The following UBE2O variants were observed in gnomAD, a reference collection of about 807,000 sequenced individuals.
UBE2O encodes (E3-independent) E2 ubiquitin-conjugating enzyme.
Under a neutral mutation model 125.8 loss-of-function variants are expected in UBE2O, and 15 were observed. That is an observed-to-expected ratio of 0.12 (90% CI 0.08 to 0.18). The LOEUF (loss-of-function observed/expected upper bound fraction) is 0.18, where lower values mean the gene tolerates loss of function less well. Ranked by LOEUF, UBE2O falls within the 10% of genes least tolerant of loss-of-function variation. UBE2O has a pLI of 1.00. For synonymous variants in UBE2O, 708 were observed against 703.2 expected (o/e 1.01, Z -0.11); for missense variants, 1,280 against 1,723.6 (o/e 0.74, Z 4.56).
chr17:76,393,917 G>T (rs902697815), intron 15 of UBE2O, among the ~76,000 whole-genome samples: 1 of 152,230 alleles, frequency 6.6e-6, no homozygotes, highest in African/African-American at 2.4e-5. Flanking sequence ...CACCCTGGGA[G>T]CCTCCAGGGA....
At chr17:76,397,512 A>G (rs2072234652) in intron 13 of UBE2O, among the ~76,000 whole-genome samples, 2 of 152,246 alleles carry the variant, frequency 1.3e-5, no homozygotes, top group African/African-American at 4.8e-5. Flanking sequence ...GGGAACTTGC[A>G]TTCTTCGTAG....
Position 76,390,597 on chromosome 17 carries a change from A to T in UBE2O, c.*346T>A. On this transcript the variant is annotated 3_prime_UTR_variant, in exon 18 of 18. Transcript: ENST00000319380. The stretch of plus-strand genomic sequence containing the variant: ...CTGCGGGTCTGCAGGGAACCGGCCC[A>T]GAGAGCCCCGCGGCAGGCCCTGGAA... The T allele has an allele frequency of 4.4e-6, 1 of 229,758 alleles. No homozygotes were observed. Among genetic ancestry groups the T allele is most frequent in the Non-Finnish European group, 8.6e-6 (1 of 116,846 alleles). 14.2% of individuals were successfully genotyped at this position (229,758 alleles called of 1,614,324 possible).
intron 1 of UBE2O, among the ~76,000 whole-genome samples, chr17:76,414,571 C>T (rs1053823479): frequency 5.3e-5 from 8 of 152,208 alleles, no homozygotes; most frequent in Admixed American, 3.9e-4. Flanking sequence ...GATCTCACAA[C>T]GCAGACTCTC....
At chr17:76,415,494 A>C (rs1452505414) in intron 1 of UBE2O, among the ~76,000 whole-genome samples, 1 of 152,108 alleles carries the variant, frequency 6.6e-6, no homozygotes, top group Non-Finnish European at 1.5e-5. Flanking sequence ...GACCAATTGG[A>C]ACCATGCTGC....
In UBE2O at chr17:76,420,795, G is replaced by C. The variant is rs1043314632; in HGVS notation, c.418-15223C>G. Among the ~76,000 whole-genome samples, 4 of 152,064 alleles carry C rather than the reference G, an allele frequency of 2.6e-5. No individual in the cohort carries two copies. In the East Asian group the frequency reaches 7.7e-4, roughly 29 times the overall value. On this transcript the variant is annotated intron_variant, in intron 1 of 17. Coordinates refer to ENST00000319380, the MANE Select transcript of UBE2O (RefSeq NM_022066.4). ...TTGGTCCTGCCAGCATTCAAAATCG[G>C]CCTGCCACACACTGTTTATGTCTGT...
At chr17:76,420,380 C>T (rs912497832) in intron 1 of UBE2O, among the ~76,000 whole-genome samples, 2 of 152,152 alleles carry the variant, frequency 1.3e-5, no homozygotes, top group Admixed American at 1.3e-4. Context: ...GGCCTATCTT[C>T]CCACAGTGGT....
chr17:76,402,380 C>T lies in UBE2O; in HGVS notation c.686+222G>A, dbSNP rs1012972469. On this transcript the variant is annotated intron_variant, in intron 4 of 17. Coordinates refer to ENST00000319380, the MANE Select transcript of UBE2O (RefSeq NM_022066.4). The surrounding 1 kb of genome is among the most constrained non-coding windows in gnomAD (Gnocchi z 5.4). ...CTCTAGCAGATATCCTCAGTGAAAA[C>T]GTTTCTCCCCATGCCAGGACAGATC... Among the ~76,000 whole-genome samples, 2 of 152,174 alleles carry T rather than the reference C, an allele frequency of 1.3e-5. No homozygotes were observed. The highest frequency in any genetic ancestry group is 1.9e-4 in the East Asian group (1 of 5,196).
chr17:76,397,668 T>C, intron 13 of UBE2O, 131 bp downstream of exon 13: 1 of 903,204 alleles, frequency 1.1e-6, no homozygotes, highest in South Asian at 1.5e-5. Context: ...AATGCCTGCC[T>C]TTCCCCTCAC....
At chr17:76,447,554 AACAT>A (rs745799502) in intron 1 of UBE2O, among the ~76,000 whole-genome samples, 7 of 152,144 alleles carry the variant, frequency 4.6e-5, no homozygotes, top group African/African-American at 1.7e-4. Context: ...AGACTCTGGA[AACAT>A]ACATACATAC....
Position 76,395,003 on chromosome 17 carries a change from G to T in UBE2O, c.2946+722C>A, listed in dbSNP as rs749991958. 6.6e-6 allele frequency among the ~76,000 whole-genome samples: 1 copy of T among 151,756 alleles called. No individual in the cohort carries two copies. Among genetic ancestry groups the T allele is most frequent in the Non-Finnish European group, 1.5e-5 (1 of 67,988 alleles). On this transcript the variant is annotated intron_variant, in intron 15 of 17. Coordinates refer to ENST00000319380, the MANE Select transcript of UBE2O (RefSeq NM_022066.4). The surrounding 1 kb of genome is among the most constrained non-coding windows in gnomAD (Gnocchi z 5.0). ...TGATTCTCCTGCCTCAGTCTCCCGAGTAGCTGGGATTACTGGCACCCGCCA... is the reference window on the plus strand; with the variant it reads ...TGATTCTCCTGCCTCAGTCTCCCGATTAGCTGGGATTACTGGCACCCGCCA...
At position 76,397,852 on chromosome 17, in the gene UBE2O, T is replaced by C. The variant is rs756294792; in HGVS notation, c.2062A>G (p.Ser688Gly). 8.7e-6 allele frequency: 14 copies of C among 1,614,180 alleles called. No homozygotes were observed. Among genetic ancestry groups the C allele is most frequent in the Non-Finnish European group, 1.1e-5 (13 of 1,180,040 alleles). The change falls in exon 13 of 18, where the codon AGC becomes GGC. Residue 688 changes from serine to glycine, a missense_variant. Around this residue, in one of 10 missense-constraint regions of UBE2O, gnomAD observed 210 missense variants for 268.9 expected, o/e 0.78. Transcript: ENST00000319380. ...VGQVARVDVSSKVEVVWADNS... is the reference protein window; with the variant it reads ...VGQVARVDVSGKVEVVWADNS... The stretch of plus-strand genomic sequence containing the variant: ...TCAGCCCACACCACCTCCACCTTGC[T>C]GCTGACGTCCACACGGGCCACCTGG...
At chr17:76,416,345 A>G (rs2072617230) in intron 1 of UBE2O, among the ~76,000 whole-genome samples, 1 of 152,218 alleles carries the variant, frequency 6.6e-6, no homozygotes, top group African/African-American at 2.4e-5. Context: ...GCCCCATCCC[A>G]GACCTGCTGC....
intron 1 of UBE2O, among the ~76,000 whole-genome samples, chr17:76,417,279 C>A (rs1451803991): frequency 6.6e-6 from 1 of 152,256 alleles, no homozygotes; most frequent in Non-Finnish European, 1.5e-5. Context: ...AAGTCAACGA[C>A]ATCCCTGGGC....
Position 76,400,380 on chromosome 17 carries a change from C to G in UBE2O, c.1004+61G>C, listed in dbSNP as rs1018943688. 3.8e-6 allele frequency: 6 copies of G among 1,593,408 alleles called. No homozygotes were observed. The African/African-American group carries it at 8.1e-5, about 21-fold the overall frequency. ...TCTTAAGCCTCCCCAGGCATGTGAC[C>G]AGGGCCCAGAGCCCTGTCCCACGCG... On this transcript the variant is annotated intron_variant, in intron 7 of 17. Transcript: ENST00000319380. This position sits in a 1 kb window ranked among gnomAD's most constrained non-coding sequence, Gnocchi z 4.3.
At position 76,391,737 on chromosome 17, in the gene UBE2O, C is replaced by A; in HGVS notation, c.3208+19G>T. On this transcript the variant is annotated intron_variant, in intron 17 of 17. Transcript: ENST00000319380. The surrounding 1 kb of genome is among the most constrained non-coding windows in gnomAD (Gnocchi z 8.4). ...ACCGGCCCTCCCTTGTCCGCACCCC[C>A]GCTTCAGCCCAACTGTACCTTGGAT... The A allele has an allele frequency of 2.5e-6, 4 of 1,613,578 alleles. No homozygotes were observed. The highest frequency in any genetic ancestry group is 3.4e-6 in the Non-Finnish European group (4 of 1,179,646).
chr17:76,428,360 T>A (rs1208798603), intron 1 of UBE2O, among the ~76,000 whole-genome samples: 1 of 152,252 alleles, frequency 6.6e-6, no homozygotes, highest in Non-Finnish European at 1.5e-5. Flanking sequence ...TAATTTTCCC[T>A]TTCTCTCTTT....
rs1002233329 is a variant in UBE2O, at chr17:76,405,718, C to T, written c.418-146G>A. On this transcript the variant is annotated intron_variant, in intron 1 of 17. Transcript: ENST00000319380. The surrounding 1 kb of genome is among the most constrained non-coding windows in gnomAD (Gnocchi z 6.1). ...TTTGGCTAGCAGTATCTTCACAGAC[C>T]GCACACACCTCCGACCAGCACCCAG... 2.3e-5 allele frequency: 17 copies of T among 730,208 alleles called. No individual in the cohort carries two copies. The highest frequency in any genetic ancestry group is 5.3e-5 in the African/African-American group (3 of 56,648). 45.2% of individuals were successfully genotyped at this position (730,208 alleles called of 1,614,324 possible).
chr17:76,445,214 A>G (rs1420677291), intron 1 of UBE2O, among the ~76,000 whole-genome samples: 2 of 149,220 alleles, frequency 1.3e-5, no homozygotes, highest in Admixed American at 1.3e-4. Flanking sequence ...GGTAGGACTG[A>G]CTGCCTTTTT....
Position 76,395,693 on chromosome 17 carries a change from C to T in UBE2O, c.2946+32G>A. 6.2e-7 allele frequency: 1 copy of T among 1,605,380 alleles called. No individual in the cohort carries two copies. The highest frequency in any genetic ancestry group is 8.5e-7 in the Non-Finnish European group (1 of 1,175,724). On this transcript the variant is annotated intron_variant, in intron 15 of 17. Transcript: ENST00000319380. The surrounding 1 kb of genome is among the most constrained non-coding windows in gnomAD (Gnocchi z 5.0). ...TTGGGCACTGGGTGCCCACACAGCACATCTGCACCTGCCCATGCCAAGCCT... is the reference window on the plus strand; with the variant it reads ...TTGGGCACTGGGTGCCCACACAGCATATCTGCACCTGCCCATGCCAAGCCT...
Sources: gnomAD v4.1 joint callset for allele counts (sites outside exome capture counted in the v4.1 genomes callset) on GRCh38, gnomAD v4.1.1 for gene constraint, gnomAD v4.1.1 regional missense constraint, Gnocchi (gnomAD v3.1) non-coding constraint, MANE v1.5 for transcripts, NCBI Gene and HGNC (gene_info 2026-07-23, HGNC 2026-07-21) for gene names.